Variants in PCDHGA9 observed in about 807,000 individuals in gnomAD.
PCDHGA9 encodes the protein protocadherin gamma subfamily A, 9.
Under a neutral mutation model 62.5 loss-of-function variants are expected in PCDHGA9, and 37 were observed. That is an observed-to-expected ratio of 0.59 (90% confidence interval 0.46 to 0.78). PCDHGA9 has a LOEUF of 0.78. Ranked by LOEUF, PCDHGA9 falls within the 30% of genes least tolerant of loss-of-function variation. PCDHGA9 has a pLI of 0.00. For missense variants in PCDHGA9, 1,138 were observed against 1,166.2 expected (o/e 0.98, Z 0.35); for synonymous variants, 459 against 484.6 (o/e 0.95, Z 0.69).
Position 141,477,710 on chromosome 5 carries a change from G to A in PCDHGA9, c.2425-17097G>A, listed in dbSNP as rs747156156. ...GCCCCTAGACTATGAGGATCGGCGG[G>A]AATTTGAATTAACAGCTCATATCAG... On this transcript the variant is annotated intron_variant, in intron 1 of 3. Transcript: ENST00000573521. This position sits in a 1 kb window ranked among gnomAD's most constrained non-coding sequence, Gnocchi z 4.9. 2.5e-6 allele frequency: 4 copies of A among 1,613,918 alleles called. No homozygotes were observed. Among genetic ancestry groups the A allele is most frequent in the Middle Eastern group, 3.3e-4 (2 of 6,062 alleles).
In PCDHGA9 at chr5:141,432,021, C is replaced by G. The variant is rs746940912; in HGVS notation, c.2424+26645C>G. 1.9e-5 allele frequency: 30 copies of G among 1,614,076 alleles called. No individual in the cohort carries two copies. The highest frequency in any genetic ancestry group is 2.7e-5 in the African/African-American group (2 of 74,922). Reference sequence around the variant, plus strand: ...GAACAGGTTCCTAGCTACAACATCACAGTGACCGCCACTGACCGGGGAACC... The same window carrying G: ...GAACAGGTTCCTAGCTACAACATCAGAGTGACCGCCACTGACCGGGGAACC... On this transcript the variant is annotated intron_variant, in intron 1 of 3. Transcript: ENST00000573521. The surrounding 1 kb of genome is among the most constrained non-coding windows in gnomAD (Gnocchi z 6.0).
At position 141,404,572 on chromosome 5, in the gene PCDHGA9, A is replaced by G. The variant is rs755182149; in HGVS notation, c.1620A>G (p.Pro540=). 4.9e-5 allele frequency: 79 copies of G among 1,613,728 alleles called. No individual in the cohort carries two copies. Among genetic ancestry groups the G allele is most frequent in the Non-Finnish European group, 6.0e-5 (71 of 1,179,734 alleles). The change falls in exon 1 of 4, where the codon CCA becomes CCG. Residue 540 remains proline, a synonymous_variant. Transcript: ENST00000573521. ...TGACGGCAAGTGACAGTGGAAGCCC[A>G]CCACTTAGCAGCAATGTGTCATTGA... The part of the protein sequence containing the change: ...MQVTASDSGS[P]PLSSNVSLRL...
In PCDHGA9 at chr5:141,430,969, TAGGACGCA is replaced by T. The variant is rs775497521; in HGVS notation, c.2424+25594_2424+25601del. The T allele has an allele frequency of 7.3e-5, 118 of 1,613,012 alleles. 1 individual carries two copies. The Middle Eastern group carries it at 1.8e-3, about 25-fold the overall frequency. On this transcript the variant is annotated intron_variant, in intron 1 of 3. Transcript: ENST00000573521. ...GCGGAGTCCGCATCATCCCCAGAGG[TAGGACGCA>T]GCTTTTCGCCCTGAATCCGCGCAGC...
chr5:141,505,246 G>C, intron 2 of PCDHGA9, 147 bp from the exon 3 acceptor site: 2 of 1,436,674 alleles, frequency 1.4e-6, no homozygotes, highest in Non-Finnish European at 1.9e-6. Flanking sequence ...AAGGATTGTA[G>C]AAGTGCCTCC....
intron 1 of PCDHGA9, among the ~76,000 whole-genome samples, chr5:141,455,776 A>G (rs1386162201): frequency 6.6e-6 from 1 of 152,186 alleles, no homozygotes. Context: ...GGGCTTTAAA[A>G]GAAACTTTTC....
At chr5:141,475,046 T>C (rs1430484084) in intron 1 of PCDHGA9, among the ~76,000 whole-genome samples, 1 of 152,274 alleles carries the variant, frequency 6.6e-6, no homozygotes, top group African/African-American at 2.4e-5. Context: ...CTTTGTATTT[T>C]CTAAAGATTT....
At position 141,477,898 on chromosome 5, in the gene PCDHGA9, A is replaced by C; in HGVS notation, c.2425-16909A>C. The C allele has an allele frequency of 6.2e-7, 1 of 1,614,158 alleles. No individual in the cohort carries two copies. Among genetic ancestry groups the C allele is most frequent in the East Asian group, 2.2e-5 (1 of 44,864 alleles). ...CTGGCCACCTAGTGTCACGGGTGGT[A>C]GGCTGGGACGCGGATGCAGGGCACA... On this transcript the variant is annotated intron_variant, in intron 1 of 3. Transcript: ENST00000573521. This position sits in a 1 kb window ranked among gnomAD's most constrained non-coding sequence, Gnocchi z 4.9.
chr5:141,464,093 C>T (rs1029458289), intron 1 of PCDHGA9, among the ~76,000 whole-genome samples: 1 of 151,888 alleles, frequency 6.6e-6, no homozygotes, highest in Non-Finnish European at 1.5e-5. Context: ...GGTGAAACTC[C>T]GTCTCTACTA....
intron 1 of PCDHGA9, chr5:141,419,144 A>G: frequency 6.2e-7 from 1 of 1,613,940 alleles, no homozygotes; most frequent in South Asian, 1.1e-5. Context: ...AGACAGGGGC[A>G]AGCCTCCGTT....
Position 141,485,400 on chromosome 5 carries a change from G to A in PCDHGA9, c.2425-9407G>A. On this transcript the variant is annotated intron_variant, in intron 1 of 3. Transcript: ENST00000573521. The surrounding 1 kb of genome is among the most constrained non-coding windows in gnomAD (Gnocchi z 5.7). ...GGAGAGGTGAACCAAAGACACTTCC[G>A]TGTGGATTTGGACAGCGGAGCCCTG... is the stretch of plus-strand genomic sequence containing the variant. The A allele has an allele frequency of 6.2e-7, 1 of 1,614,076 alleles. No homozygotes were observed. The highest frequency in any genetic ancestry group is 8.5e-7 in the Non-Finnish European group (1 of 1,179,948).
At chr5:141,407,625 T>C (rs1354209573) in intron 1 of PCDHGA9, among the ~76,000 whole-genome samples, 2 of 152,220 alleles carry the variant, frequency 1.3e-5, no homozygotes, top group African/African-American at 4.8e-5. Context: ...ACATTCTATA[T>C]CTCGTATTAC....
rs573785314 is a variant in PCDHGA9 at position 141,435,382 on chromosome 5, C to T, written c.2424+30006C>T. 2.0e-5 allele frequency among the ~76,000 whole-genome samples: 3 copies of T among 152,034 alleles called. No homozygotes were observed. In the East Asian group the frequency reaches 5.8e-4, roughly 29 times the overall value. ...TTTATCACTTAAATATACAATATAC[C>T]GTATTGCCATGACGAAAAATGGTAA... On this transcript the variant is annotated intron_variant, in intron 1 of 3. Transcript: ENST00000573521.
chr5:141,472,316 C>T (rs1456055286), intron 1 of PCDHGA9, among the ~76,000 whole-genome samples: 6 of 151,940 alleles, frequency 3.9e-5, no homozygotes, highest in Non-Finnish European at 8.8e-5. Context: ...CCGAGGCAGG[C>T]AGATCACGAG....
chr5:141,409,295 G>A, intron 1 of PCDHGA9: 1 of 1,613,992 alleles, frequency 6.2e-7, no homozygotes, highest in Non-Finnish European at 8.5e-7. Context: ...TCCAGGAATG[G>A]TTGTTGCCCT....
At position 141,476,418 on chromosome 5, in the gene PCDHGA9, T is replaced by G. The variant is rs201255025; in HGVS notation, c.2425-18389T>G. ...GATCGAGAGGAGCTGTGTGGGACAC[T>G]GCCCTCTTGCACTGTAACTCTGGAG... On this transcript the variant is annotated intron_variant, in intron 1 of 3. Transcript: ENST00000573521. This position sits in a 1 kb window ranked among gnomAD's most constrained non-coding sequence, Gnocchi z 7.6. 8 of 1,614,122 alleles carry G rather than the reference T, an allele frequency of 5.0e-6. No homozygotes were observed. The highest frequency in any genetic ancestry group is 1.6e-4 in the Middle Eastern group (1 of 6,062).
intron 1 of PCDHGA9, among the ~76,000 whole-genome samples, chr5:141,483,875 AT>A (rs2154580008): frequency 6.6e-6 from 1 of 151,964 alleles, no homozygotes; most frequent in Admixed American, 6.6e-5. Context: ...ATCAGGATGG[AT>A]TTTTCTATTT....
In PCDHGA9 at chr5:141,421,591, G is replaced by A. The variant is rs1273484124; in HGVS notation, c.2424+16215G>A. The A allele has an allele frequency of 1.9e-6, 3 of 1,613,756 alleles. No homozygotes were observed. In the Admixed American group the frequency reaches 5.0e-5, roughly 27 times the overall value. ...CACCTTGAAGATTTACGGAGTGGAG[G>A]TGGAAATAATAGATATTAATGATAA... is the stretch of plus-strand genomic sequence containing the variant. On this transcript the variant is annotated intron_variant, in intron 1 of 3. Transcript: ENST00000573521.
At chr5:141,413,318 T>C in intron 1 of PCDHGA9, 1 of 1,613,968 alleles carries the variant, frequency 6.2e-7, no homozygotes, top group Non-Finnish European at 8.5e-7. Flanking sequence ...AAAGGCTCTT[T>C]CGTGGGCAAC....
chr5:141,414,210 T>C (rs1252033650), intron 1 of PCDHGA9: 1 of 1,612,706 alleles, frequency 6.2e-7, no homozygotes, highest in East Asian at 2.2e-5. Flanking sequence ...AAGATGTAAA[T>C]GACAACAGTC....
Sources: gnomAD v4.1 joint callset for allele counts (sites outside exome capture counted in the v4.1 genomes callset) on GRCh38, gnomAD v4.1.1 for gene constraint, Gnocchi (gnomAD v3.1) non-coding constraint, MANE v1.5 for transcripts, NCBI Gene and HGNC (gene_info 2026-07-23, HGNC 2026-07-21) for gene names.